The following PCDHGB6 variants were observed in gnomAD, a reference collection of about 807,000 sequenced individuals.
PCDHGB6 encodes protocadherin gamma subfamily B, 6.
Under a neutral mutation model 59.1 loss-of-function variants are expected in PCDHGB6, and 51 were observed. The ratio of observed to expected loss-of-function variants is 0.86; its 90% confidence interval spans 0.69 to 1.09. PCDHGB6 has a LOEUF of 1.09. PCDHGB6 is among the 50% of genes least tolerant of loss of function. The pLI is 0.00. For missense variants in PCDHGB6, 1,148 were observed against 1,205.1 expected (o/e 0.95, Z 0.70); for synonymous variants, 466 against 495.1 (o/e 0.94, Z 0.78).
intron 1 of PCDHGB6, chr5:141,430,643 T>C (rs1432236231): frequency 2.1e-6 from 2 of 947,068 alleles, no homozygotes; most frequent in Non-Finnish European, 3.0e-6. Context: ...CCTGGGAGTA[T>C]GTGGAAACAA....
intron 1 of PCDHGB6, chr5:141,420,214 C>T: frequency 6.2e-7 from 1 of 1,611,064 alleles, no homozygotes; most frequent in Non-Finnish European, 8.5e-7. Context: ...ACAAAGATAG[C>T]ATGCTACTGG....
At chr5:141,507,932 G>C (rs2099865030) in intron 3 of PCDHGB6, 1 of 152,338 alleles carries the variant, frequency 6.6e-6, no homozygotes, top group Admixed American at 6.5e-5. Context: ...TGCTGAGAGG[G>C]GTTAAGTAAG....
rs1455759096 is a variant in PCDHGB6, at chr5:141,489,539, C to T, written c.2419-5268C>T. 6.2e-7 allele frequency: 1 copy of T among 1,613,980 alleles called. No individual in the cohort carries two copies. Among genetic ancestry groups the T allele is most frequent in the African/African-American group, 1.3e-5 (1 of 74,912 alleles). On this transcript the variant is annotated intron_variant, in intron 1 of 3. Coordinates refer to ENST00000520790, the MANE Select transcript of PCDHGB6 (RefSeq NM_018926.3). This position sits in a 1 kb window ranked among gnomAD's most constrained non-coding sequence, Gnocchi z 4.5. Reference sequence around the variant, plus strand: ...CGAGAAAGCCTATGTGGAGCCAGCACCAGCTGCCTGCTGCCAGTGCAGGTG... The same window carrying T: ...CGAGAAAGCCTATGTGGAGCCAGCATCAGCTGCCTGCTGCCAGTGCAGGTG...
In PCDHGB6 at chr5:141,487,259, T is replaced by A. The variant is rs2099641960; in HGVS notation, c.2419-7548T>A. 1.9e-6 allele frequency: 3 copies of A among 1,614,014 alleles called. No individual in the cohort carries two copies. The highest frequency in any genetic ancestry group is 1.3e-5 in the African/African-American group (1 of 74,926). ...TCGTCTAACCCTCTACTTGGCTGTGTCCCTAGTGGCAATTTGCTTTGTCTC... is the reference window on the plus strand; with the variant it reads ...TCGTCTAACCCTCTACTTGGCTGTGACCCTAGTGGCAATTTGCTTTGTCTC... On this transcript the variant is annotated intron_variant, in intron 1 of 3. Coordinates refer to ENST00000520790, the MANE Select transcript of PCDHGB6 (RefSeq NM_018926.3). The surrounding 1 kb of genome is among the most constrained non-coding windows in gnomAD (Gnocchi z 5.0).
chr5:141,485,105 G>A lies in PCDHGB6; in HGVS notation c.2419-9702G>A. On this transcript the variant is annotated intron_variant, in intron 1 of 3. Transcript: ENST00000520790. The surrounding 1 kb of genome is among the most constrained non-coding windows in gnomAD (Gnocchi z 5.7). ...AGGGAGATAGGTGTCTCCAGCTGCT[G>A]TGGCTGTTTGGGGCGGGTCGGCTTC... 8.3e-7 allele frequency: 1 copy of A among 1,205,940 alleles called. No individual in the cohort carries two copies. Among genetic ancestry groups the A allele is most frequent in the Non-Finnish European group, 1.2e-6 (1 of 827,784 alleles). The allele number at this position is 1,205,940 out of a possible 1,614,324, so 74.7% of individuals were successfully genotyped here.
At chr5:141,507,842 C>CT (rs2099864170) in intron 3 of PCDHGB6, among the ~76,000 whole-genome samples, 1 of 152,230 alleles carries the variant, frequency 6.6e-6, no homozygotes, top group Admixed American at 6.5e-5. Flanking sequence ...GGGTCAGGCC[C>CT]TGCTCTCACT....
Position 141,431,755 on chromosome 5 carries a change from AGTCCT to A in PCDHGB6, c.2418+21137_2418+21141del. On this transcript the variant is annotated intron_variant, in intron 1 of 3. Coordinates refer to ENST00000520790, the MANE Select transcript of PCDHGB6 (RefSeq NM_018926.3). This position sits in a 1 kb window ranked among gnomAD's most constrained non-coding sequence, Gnocchi z 4.8. ...ATGCAGGATATTCTGCGCGAGCCAA[AGTCCT>A]GATCACTGTTCTGGACGTGAACGAC... 6.2e-7 allele frequency: 1 copy of A among 1,614,238 alleles called. No individual in the cohort carries two copies. Among genetic ancestry groups the A allele is most frequent in the Non-Finnish European group, 8.5e-7 (1 of 1,180,048 alleles).
In PCDHGB6 at chr5:141,511,223, A is replaced by G. The variant is rs1193308928; in HGVS notation, c.*50A>G. On this transcript the variant is annotated 3_prime_UTR_variant, in exon 4 of 4. Transcript: ENST00000520790. ...AGGGCGGCCTCTCCCCAACCAGCCC[A>G]GCTTCTCCTTACCTGCACCCAGGCC... 1 of 1,604,390 alleles carries G rather than the reference A, an allele frequency of 6.2e-7. No individual in the cohort carries two copies.
chr5:141,480,660 C>T (rs535356928), intron 1 of PCDHGB6, among the ~76,000 whole-genome samples: 2 of 152,170 alleles, frequency 1.3e-5, no homozygotes, highest in Non-Finnish European at 2.9e-5. Flanking sequence ...ACATTAAAAT[C>T]ACCTAGAGAC....
chr5:141,419,148 C>G, intron 1 of PCDHGB6: 1 of 1,613,940 alleles, frequency 6.2e-7, no homozygotes. Flanking sequence ...AGGGGCAAGC[C>G]TCCGTTATCC....
In PCDHGB6 at chr5:141,432,896, G is replaced by A. The variant is rs2097547014; in HGVS notation, c.2418+22276G>A. On this transcript the variant is annotated intron_variant, in intron 1 of 3. Transcript: ENST00000520790. This position sits in a 1 kb window ranked among gnomAD's most constrained non-coding sequence, Gnocchi z 6.0. ...CCTGGCCTTCGTCATCTTGCTGCTG[G>A]CGCTCAGGCTGCGGCGCTGGCACAA... is the stretch of plus-strand genomic sequence containing the variant. 6.2e-7 allele frequency: 1 copy of A among 1,614,056 alleles called. No homozygotes were observed. Among genetic ancestry groups the A allele is most frequent in the African/African-American group, 1.3e-5 (1 of 74,946 alleles).
intron 1 of PCDHGB6, chr5:141,421,734 G>T: frequency 6.2e-7 from 1 of 1,613,948 alleles, no homozygotes; most frequent in Non-Finnish European, 8.5e-7. Flanking sequence ...ACTCCCTCCA[G>T]AGCTACCAGC....
At chr5:141,422,806 C>A in intron 1 of PCDHGB6, 1 of 1,614,208 alleles carries the variant, frequency 6.2e-7, no homozygotes, top group Non-Finnish European at 8.5e-7. Flanking sequence ...TGAGCAGTTT[C>A]GAGACTTAGA....
At chr5:141,427,306 A>G (rs1023837851) in intron 1 of PCDHGB6, 6 of 456,826 alleles carry the variant, frequency 1.3e-5, no homozygotes, top group African/African-American at 1.2e-4. Flanking sequence ...GAGAATGACA[A>G]TGCCCCAGAC....
intron 1 of PCDHGB6, chr5:141,423,883 A>T (rs1211746978): frequency 1.6e-6 from 2 of 1,283,342 alleles, no homozygotes; most frequent in Admixed American, 7.5e-5. Context: ...CAATCTTGGC[A>T]TATTTTCTTT....
chr5:141,431,462 G>A lies in PCDHGB6; in HGVS notation c.2418+20842G>A. ...GCGCATCCGCGTGATGGTTCTGGAT[G>A]CGAACGACAACGCACCAGCGTTTGC... On this transcript the variant is annotated intron_variant, in intron 1 of 3. Transcript: ENST00000520790. This position sits in a 1 kb window ranked among gnomAD's most constrained non-coding sequence, Gnocchi z 4.8. 6.2e-7 allele frequency: 1 copy of A among 1,613,826 alleles called. No individual in the cohort carries two copies. The highest frequency in any genetic ancestry group is 2.2e-5 in the East Asian group (1 of 44,886).
intron 1 of PCDHGB6, among the ~76,000 whole-genome samples, chr5:141,463,128 A>G (rs914895217): frequency 1.5e-4 from 23 of 152,190 alleles, no homozygotes; most frequent in Admixed American, 1.4e-3. Context: ...GCTCCCTGGC[A>G]GTTCTTCGCC....
chr5:141,487,616 G>T lies in PCDHGB6; in HGVS notation c.2419-7191G>T. The T allele has an allele frequency of 1.2e-6, 2 of 1,614,220 alleles. No homozygotes were observed. The highest frequency in any genetic ancestry group is 1.7e-6 in the Non-Finnish European group (2 of 1,180,044). ...CTCTGATCTTCTCTATGGGCTAGAGGTGAGACCTTTGCAGGCTCAACAAAT... is the reference window on the plus strand; with the variant it reads ...CTCTGATCTTCTCTATGGGCTAGAGTTGAGACCTTTGCAGGCTCAACAAAT... On this transcript the variant is annotated intron_variant, in intron 1 of 3. Coordinates refer to ENST00000520790, the MANE Select transcript of PCDHGB6 (RefSeq NM_018926.3). This position sits in a 1 kb window ranked among gnomAD's most constrained non-coding sequence, Gnocchi z 5.0.
Position 141,485,943 on chromosome 5 carries a change from C to T in PCDHGB6, c.2419-8864C>T, listed in dbSNP as rs750871245. On this transcript the variant is annotated intron_variant, in intron 1 of 3. Transcript: ENST00000520790. This position sits in a 1 kb window ranked among gnomAD's most constrained non-coding sequence, Gnocchi z 5.7. Reference sequence around the variant, plus strand: ...ATTAGTGTGTTGGAGAGCGCACCAGCGGGCATGGTGCTCATCCAGCTCAAT... The same window carrying T: ...ATTAGTGTGTTGGAGAGCGCACCAGTGGGCATGGTGCTCATCCAGCTCAAT... The T allele has an allele frequency of 1.9e-6, 3 of 1,614,126 alleles. No homozygotes were observed. In the South Asian group the frequency reaches 3.3e-5, roughly 18 times the overall value.
Sources: allele counts gnomAD v4.1 joint callset (sites outside exome capture counted in the v4.1 genomes callset), GRCh38; gene constraint gnomAD v4.1.1; non-coding constraint Gnocchi (gnomAD v3.1); transcripts MANE v1.5; gene names NCBI Gene and HGNC (gene_info 2026-07-23, HGNC 2026-07-21).